The following ZNRF3 variants were observed in gnomAD, a reference collection of about 807,000 sequenced individuals.
The protein encoded by ZNRF3 is E3 ubiquitin-protein ligase ZNRF3.
A neutral mutation model predicts 72.5 loss-of-function variants in ZNRF3; 23 were observed. The ratio of observed to expected loss-of-function variants is 0.32; its 90% confidence interval spans 0.23 to 0.45. The LOEUF is 0.45. Among genes scored for constraint, ZNRF3 ranks in the 20% least tolerant of loss-of-function variants. The pLI is 1.00. For missense variants in ZNRF3, 1,169 were observed against 1,272.1 expected (o/e 0.92, Z 1.23); for synonymous variants, 610 against 545.3 (o/e 1.12, Z -1.65).
In ZNRF3 at chr22:28,952,495, G is replaced by GTTT. The variant is rs11401088; in HGVS notation, c.301-34567_301-34565dup. On this transcript the variant is annotated intron_variant, in intron 1 of 8. Coordinates refer to ENST00000544604, the MANE Select transcript of ZNRF3 (RefSeq NM_001206998.2). ...GCAGAGAGAAGTTTTTCATTTCCAT[G>GTTT]TTTTTTTTTTTTTTTTAACCATTTT... Among the ~76,000 whole-genome samples, 1,143 of 141,828 alleles carry GTTT rather than the reference G, an allele frequency of 8.1e-3. 16 individuals carry two copies. The highest frequency in any genetic ancestry group is 0.027 in the African/African-American group (1,049 of 38,400). The allele number at this position is 141,828 out of a possible 152,430, so 93.0% of individuals were successfully genotyped here.
At chr22:29,004,802 T>C (rs2036212729) in intron 2 of ZNRF3, among the ~76,000 whole-genome samples, 1 of 152,180 alleles carries the variant, frequency 6.6e-6, no homozygotes, top group Non-Finnish European at 1.5e-5. Flanking sequence ...TTCCAGTCCC[T>C]GCTGCCAGCA....
intron 2 of ZNRF3, among the ~76,000 whole-genome samples, chr22:29,035,925 T>C (rs1346617326): frequency 6.6e-6 from 1 of 152,148 alleles, no homozygotes; most frequent in Non-Finnish European, 1.5e-5. Flanking sequence ...CAGGCTGGCC[T>C]CAAGCTCCTG....
chr22:28,938,418 C>T (rs2034880886), intron 1 of ZNRF3, among the ~76,000 whole-genome samples: 1 of 152,100 alleles, frequency 6.6e-6, no homozygotes, highest in African/African-American at 2.4e-5. Flanking sequence ...GATTATTTGC[C>T]CTCCTTTGTG....
Position 28,883,762 on chromosome 22 carries a change from G to A in ZNRF3, c.-5G>A, listed in dbSNP as rs1362833631. Reference sequence around the variant, plus strand: ...CCGCCCTCCGCGCCCTCCCGCCGCAGGACCATGAGGCCGCGCTCGGGCGGG... The same window carrying A: ...CCGCCCTCCGCGCCCTCCCGCCGCAAGACCATGAGGCCGCGCTCGGGCGGG... On this transcript the variant is annotated 5_prime_UTR_variant, in exon 1 of 9. Transcript: ENST00000544604. This position sits in a 1 kb window ranked among gnomAD's most constrained non-coding sequence, Gnocchi z 5.5. 1 of 977,274 alleles carries A rather than the reference G, an allele frequency of 1.0e-6. No homozygotes were observed. Among genetic ancestry groups the A allele is most frequent in the African/African-American group, 1.8e-5 (1 of 55,962 alleles). The allele number at this position is 977,274 out of a possible 1,614,324, so 60.5% of individuals were successfully genotyped here. A position where few individuals can be genotyped will look rare whatever the true frequency, so the allele number is the denominator to read the frequency against.
At chr22:28,893,609 C>T (rs1407139172) in intron 1 of ZNRF3, among the ~76,000 whole-genome samples, 1 of 151,842 alleles carries the variant, frequency 6.6e-6, no homozygotes, top group Admixed American at 6.6e-5. Flanking sequence ...GCCATCCTCC[C>T]ACCTCAGTCT....
chr22:28,950,142 C>T (rs971922907), intron 1 of ZNRF3, among the ~76,000 whole-genome samples: 1 of 152,182 alleles, frequency 6.6e-6, no homozygotes, highest in Non-Finnish European at 1.5e-5. Context: ...CCCACCACTG[C>T]TTTTGTACAT....
chr22:29,041,484 C>T (rs1437029503), intron 2 of ZNRF3, among the ~76,000 whole-genome samples: 1 of 152,152 alleles, frequency 6.6e-6, no homozygotes, highest in Non-Finnish European at 1.5e-5. Flanking sequence ...TCCCCCACCT[C>T]CCCCAAAAAG....
intron 1 of ZNRF3, among the ~76,000 whole-genome samples, chr22:28,905,163 C>T (rs1392934826): frequency 1.3e-5 from 2 of 152,002 alleles, no homozygotes; most frequent in East Asian, 1.9e-4. Context: ...TCTCGAATTC[C>T]TGGGCTCGAG....
intron 1 of ZNRF3, chr22:28,986,499 C>A: frequency 2.0e-6 from 1 of 496,438 alleles, no homozygotes; most frequent in Non-Finnish European, 2.6e-6. Context: ...TGATTTTGTG[C>A]TTTGCAAATT....
At chr22:29,020,215 A>G (rs187276861) in intron 2 of ZNRF3, among the ~76,000 whole-genome samples, 11 of 151,808 alleles carry the variant, frequency 7.2e-5, no homozygotes, top group African/African-American at 2.4e-4. Context: ...AATGACAAGG[A>G]AAAAAAGTCA....
rs532846337 is a variant in ZNRF3 at position 28,913,010 on chromosome 22, C to T, written c.300+28944C>T. ...CTTGCCGATTTGAGTCTTTACTGAG[C>T]GGCTTGATTTATCTTGGCTTGGGAA... On this transcript the variant is annotated intron_variant, in intron 1 of 8. Coordinates refer to ENST00000544604, the MANE Select transcript of ZNRF3 (RefSeq NM_001206998.2). Among the ~76,000 whole-genome samples the T allele has an allele frequency of 5.3e-5, 8 of 152,300 alleles. No homozygotes were observed. The South Asian group carries it at 1.0e-3, about 20-fold the overall frequency.
rs1428554547 is a variant in ZNRF3, at chr22:28,995,328, G to T, written c.426+8127G>T. Reference sequence around the variant, plus strand: ...GGGCGCCTGTAATCCCAGCTACTCAGGAGGCTGAGGCAGGAGAATGGCGTG... The same window carrying T: ...GGGCGCCTGTAATCCCAGCTACTCATGAGGCTGAGGCAGGAGAATGGCGTG... On this transcript the variant is annotated intron_variant, in intron 2 of 8. Coordinates refer to ENST00000544604, the MANE Select transcript of ZNRF3 (RefSeq NM_001206998.2). Among the ~76,000 whole-genome samples, 6 of 152,184 alleles carry T rather than the reference G, an allele frequency of 3.9e-5. No individual in the cohort carries two copies. The East Asian group carries it at 1.2e-3, about 29-fold the overall frequency.
intron 1 of ZNRF3, among the ~76,000 whole-genome samples, chr22:28,893,234 C>T (rs2033925572): frequency 6.6e-6 from 1 of 152,000 alleles, no homozygotes; most frequent in Admixed American, 6.6e-5. Flanking sequence ...TGTGTAAGTT[C>T]CCATCCAGCA....
At chr22:28,889,141 T>C (rs1433467146) in intron 1 of ZNRF3, among the ~76,000 whole-genome samples, 1 of 152,040 alleles carries the variant, frequency 6.6e-6, no homozygotes, top group Non-Finnish European at 1.5e-5. Flanking sequence ...CAGGTCTGCC[T>C]GGGTTGCTTG....
At chr22:28,925,448 C>G (rs1376288796) in intron 1 of ZNRF3, among the ~76,000 whole-genome samples, 2 of 152,114 alleles carry the variant, frequency 1.3e-5, no homozygotes, top group African/African-American at 2.4e-5. Context: ...CCCCATGATG[C>G]CTCTACCCAT....
chr22:29,015,124 C>A (rs2036410353), intron 2 of ZNRF3, among the ~76,000 whole-genome samples: 1 of 152,194 alleles, frequency 6.6e-6, no homozygotes, highest in African/African-American at 2.4e-5. Context: ...TCAAGTCTTA[C>A]AGAAAGTTAG....
intron 1 of ZNRF3, among the ~76,000 whole-genome samples, chr22:28,956,230 G>A (rs1414230141): frequency 6.6e-6 from 1 of 152,058 alleles, no homozygotes. Context: ...GAAATAGAAG[G>A]CACTGGACAG....
intron 2 of ZNRF3, among the ~76,000 whole-genome samples, chr22:28,992,181 C>T (rs1050945806): frequency 5.9e-5 from 8 of 135,592 alleles, no homozygotes; most frequent in East Asian, 2.6e-4. Context: ...CCCCCCGCCC[C>T]GGCCCCGCAC....
At chr22:29,018,891 G>A (rs947404105) in intron 2 of ZNRF3, among the ~76,000 whole-genome samples, 1 of 151,430 alleles carries the variant, frequency 6.6e-6, no homozygotes, top group Admixed American at 6.6e-5. Flanking sequence ...CATTTTCATT[G>A]CTCATGATTC....
Sources: allele counts gnomAD v4.1 joint callset (sites outside exome capture counted in the v4.1 genomes callset), GRCh38; gene constraint gnomAD v4.1.1; non-coding constraint Gnocchi (gnomAD v3.1); transcripts MANE v1.5; gene names NCBI Gene and HGNC (gene_info 2026-07-23, HGNC 2026-07-21).